Variants in REDIC1 observed in about 807,000 individuals in gnomAD.
REDIC1 encodes the protein HEI10 Interacting Protein 1.
chr12:39,652,056 G>A, the REDIC1 span, among the ~76,000 whole-genome samples: 1 of 152,088 alleles, frequency 6.6e-6, no homozygotes, highest in African/African-American at 2.4e-5. Flanking sequence ...ATTCATCTAT[G>A]TTGGTTGTTG....
At chr12:39,716,964 A>C in the REDIC1 span, 2 of 553,268 alleles carry the variant, frequency 3.6e-6, no homozygotes, top group South Asian at 1.6e-4. Flanking sequence ...ATTAATATAA[A>C]CAAAAAGGTA....
At chr12:39,868,589 T>C in the REDIC1 span, among the ~76,000 whole-genome samples, 2 of 152,144 alleles carry the variant, frequency 1.3e-5, no homozygotes, top group Admixed American at 1.3e-4. Flanking sequence ...TTGGCAACTG[T>C]GATGAAGACC....
chr12:39,712,342 ATT>A, the REDIC1 span, among the ~76,000 whole-genome samples: 25 of 49,824 alleles, frequency 5.0e-4, 1 homozygote, highest in African/African-American at 9.9e-4. Flanking sequence ...ATATACCTGT[ATT>A]TATATATACA....
chr12:39,827,284 G>C, the REDIC1 span, among the ~76,000 whole-genome samples: 1 of 152,064 alleles, frequency 6.6e-6, no homozygotes, highest in Non-Finnish European at 1.5e-5. Flanking sequence ...AAGGCTCTTG[G>C]TTTTGCTTTT....
At chr12:39,827,045 C>G in the REDIC1 span, among the ~76,000 whole-genome samples, 2 of 151,110 alleles carry the variant, frequency 1.3e-5, no homozygotes, top group Non-Finnish European at 2.9e-5. Flanking sequence ...TTTGCACCAG[C>G]CTGATACTCT....
the REDIC1 span, among the ~76,000 whole-genome samples, chr12:39,905,989 AT>A: frequency 0.015 from 2,352 of 152,282 alleles, 72 homozygotes; most frequent in African/African-American, 0.053. Flanking sequence ...CCCTATTGAA[AT>A]ATAACAGCTG....
chr12:39,853,183 G>T, the REDIC1 span, among the ~76,000 whole-genome samples: 1 of 152,060 alleles, frequency 6.6e-6, no homozygotes, highest in Non-Finnish European at 1.5e-5. Flanking sequence ...ACAAAGAATG[G>T]TGTTGACTTG....
chr12:39,761,034 A>G, the REDIC1 span, among the ~76,000 whole-genome samples: 1 of 147,886 alleles, frequency 6.8e-6, no homozygotes, highest in Non-Finnish European at 1.5e-5. Flanking sequence ...GGTGGAAAAC[A>G]ACAAAGTAAA....
chr12:39,651,419 C>A, the REDIC1 span, among the ~76,000 whole-genome samples: 607 of 152,110 alleles, frequency 4.0e-3, 4 homozygotes, highest in African/African-American at 0.014. Context: ...TGACCCACTC[C>A]TGGTGATGTG....
the REDIC1 span, among the ~76,000 whole-genome samples, chr12:39,793,343 A>C: frequency 6.6e-6 from 1 of 152,276 alleles, no homozygotes; most frequent in Non-Finnish European, 1.5e-5. Context: ...AGACTAAATA[A>C]ATGCAGAGAT....
At chr12:39,826,558 T>C in the REDIC1 span, among the ~76,000 whole-genome samples, 1 of 151,448 alleles carries the variant, frequency 6.6e-6, no homozygotes, top group Non-Finnish European at 1.5e-5. Context: ...GTAACATCTA[T>C]ATTTAACAAA....
the REDIC1 span, among the ~76,000 whole-genome samples, chr12:39,763,628 C>T: frequency 2.0e-5 from 3 of 151,938 alleles, no homozygotes; most frequent in Non-Finnish European, 2.9e-5. Flanking sequence ...AAAGAGATTG[C>T]GGGGAGATGA....
chr12:39,694,188 A>G, the REDIC1 span, among the ~76,000 whole-genome samples: 6 of 152,110 alleles, frequency 3.9e-5, no homozygotes, highest in South Asian at 4.1e-4. Flanking sequence ...GATGTAGATG[A>G]GGGGTGGAAC....
the REDIC1 span, among the ~76,000 whole-genome samples, chr12:39,791,218 A>C: frequency 6.7e-6 from 1 of 149,928 alleles, no homozygotes; most frequent in Non-Finnish European, 1.5e-5. Context: ...TTGATGGGAC[A>C]TATTTCAAAA....
the REDIC1 span, chr12:39,683,433 A>G: frequency 6.2e-7 from 1 of 1,601,232 alleles, no homozygotes. Context: ...GAAAATGATT[A>G]CCAAGAGAAG....
the REDIC1 span, among the ~76,000 whole-genome samples, chr12:39,875,425 A>T: frequency 6.6e-6 from 1 of 152,194 alleles, no homozygotes; most frequent in Non-Finnish European, 1.5e-5. Flanking sequence ...AATCTCCCTA[A>T]TTAAGGTAAA....
the REDIC1 span, among the ~76,000 whole-genome samples, chr12:39,726,042 G>T: frequency 6.6e-6 from 1 of 151,966 alleles, no homozygotes; most frequent in African/African-American, 2.4e-5. Flanking sequence ...GAACAAATTT[G>T]CCTTTTCAAA....
At chr12:39,848,590 T>A in the REDIC1 span, among the ~76,000 whole-genome samples, 112 of 152,292 alleles carry the variant, frequency 7.4e-4, no homozygotes, top group African/African-American at 2.5e-3. Context: ...GTAAACTAAT[T>A]CACCCATTGT....
the REDIC1 span, among the ~76,000 whole-genome samples, chr12:39,706,304 G>A: frequency 3.7e-4 from 56 of 151,996 alleles, 1 homozygote; most frequent in African/African-American, 1.3e-3. Flanking sequence ...GAAAGACTTT[G>A]AAGAGGACAC....
Sources: allele counts gnomAD v4.1 joint callset (sites outside exome capture counted in the v4.1 genomes callset), GRCh38; gene constraint gnomAD v4.1.1; transcripts MANE v1.5; gene names NCBI Gene and HGNC (gene_info 2026-07-23, HGNC 2026-07-21).